The following CNTNAP2 variants were observed in gnomAD, a reference collection of about 807,000 sequenced individuals.
The protein encoded by CNTNAP2 is contactin-associated protein-like 2.
CNTNAP2 carries 98 observed loss-of-function variants against 155.2 expected under a neutral mutation model. That is an observed-to-expected ratio of 0.63 (90% CI 0.54 to 0.75). The LOEUF (loss-of-function observed/expected upper bound fraction) is 0.75, where lower values mean the gene tolerates loss of function less well. Ranked by LOEUF, CNTNAP2 falls within the 30% of genes least tolerant of loss-of-function variation. The probability of loss-of-function intolerance (pLI) is 0.00; values close to 1 mark genes in which losing one functional copy is unlikely to be tolerated. For missense variants in CNTNAP2, 1,727 were observed against 1,688.1 expected, an observed-to-expected ratio of 1.02 and a Z score of -0.40; for synonymous variants, 651 against 631.2, an observed-to-expected ratio of 1.03 and a Z score of -0.47.
chr7:146,312,859 T>A (rs895901115), intron 1 of CNTNAP2, among the ~76,000 whole-genome samples: 1 of 152,206 alleles, frequency 6.6e-6, no homozygotes, highest in Admixed American at 6.5e-5. Flanking sequence ...GTTCTACAGT[T>A]TCATCCATGT....
intron 22 of CNTNAP2, among the ~76,000 whole-genome samples, chr7:148,399,300 G>A (rs905896323): frequency 7.2e-5 from 11 of 151,910 alleles, no homozygotes; most frequent in African/African-American, 1.7e-4. Flanking sequence ...AAAAATCCAC[G>A]GTACAGTATT....
chr7:146,623,558 A>G (rs924645156), intron 1 of CNTNAP2, among the ~76,000 whole-genome samples: 10 of 152,140 alleles, frequency 6.6e-5, no homozygotes, highest in African/African-American at 2.4e-4. Context: ...TCACTTAGTA[A>G]TATGTATTTA....
At chr7:148,066,773 C>A (rs555496077) in intron 15 of CNTNAP2, among the ~76,000 whole-genome samples, 30 of 152,178 alleles carry the variant, frequency 2.0e-4, no homozygotes, top group Non-Finnish European at 3.8e-4. Context: ...GCTAGGATTA[C>A]AGGCGTGAGC....
At chr7:147,112,648 A>C (rs1043632521) in intron 5 of CNTNAP2, among the ~76,000 whole-genome samples, 1 of 152,014 alleles carries the variant, frequency 6.6e-6, no homozygotes, top group Non-Finnish European at 1.5e-5. Flanking sequence ...TTGTCTTTAG[A>C]TCTCTTTGTG....
At chr7:147,567,235 T>A (rs988564191) in intron 12 of CNTNAP2, among the ~76,000 whole-genome samples, 1 of 152,158 alleles carries the variant, frequency 6.6e-6, no homozygotes, top group Admixed American at 6.5e-5. Context: ...CCAAAACGGC[T>A]GACTCATGAG....
intron 1 of CNTNAP2, among the ~76,000 whole-genome samples, chr7:146,556,575 AAAG>A (rs2129143645): frequency 6.6e-6 from 1 of 152,268 alleles, no homozygotes; most frequent in African/African-American, 2.4e-5. Flanking sequence ...TCCAGGAACA[AAAG>A]AAGAAAGACA....
chr7:146,506,640 C>T (rs1323334566), intron 1 of CNTNAP2, among the ~76,000 whole-genome samples: 1 of 152,212 alleles, frequency 6.6e-6, no homozygotes, highest in Non-Finnish European at 1.5e-5. Context: ...CCAAATGGGC[C>T]TGTGACCAAC....
intron 13 of CNTNAP2, among the ~76,000 whole-genome samples, chr7:147,795,515 T>C (rs951632692): frequency 7.2e-6 from 1 of 139,094 alleles, no homozygotes; most frequent in Non-Finnish European, 1.7e-5. Context: ...GTTTCAGGTG[T>C]TCAGGTGGTA....
chr7:148,022,598 C>G (rs1305371965), intron 15 of CNTNAP2, among the ~76,000 whole-genome samples: 1 of 152,100 alleles, frequency 6.6e-6, no homozygotes, highest in African/African-American at 2.4e-5. Flanking sequence ...TCAGTGTGCC[C>G]TGTGTGGTTT....
chr7:146,826,607 T>C (rs953107322), intron 2 of CNTNAP2, among the ~76,000 whole-genome samples: 1 of 151,984 alleles, frequency 6.6e-6, no homozygotes, highest in Non-Finnish European at 1.5e-5. Context: ...GTGATAATGT[T>C]CACAGGAGGG....
chr7:147,389,520 A>C lies in CNTNAP2; in HGVS notation c.1499-6089A>C, dbSNP rs1330635411. The stretch of plus-strand genomic sequence containing the variant: ...TTTTCACTGATGTATTTCTGAATTA[A>C]AATTTTAAAACCTTGAAAATGCTTG... On this transcript the variant is annotated intron_variant, in intron 9 of 23. Transcript: ENST00000361727. Among the ~76,000 whole-genome samples, 5 of 152,246 alleles carry C rather than the reference A, an allele frequency of 3.3e-5. No individual in the cohort carries two copies. The East Asian group carries it at 7.7e-4, about 23-fold the overall frequency.
chr7:147,194,285 T>C (rs1802739601), intron 8 of CNTNAP2, among the ~76,000 whole-genome samples: 1 of 152,240 alleles, frequency 6.6e-6, no homozygotes. Context: ...GGCCGCCTAG[T>C]ATTCCATGGT....
chr7:147,117,856 A>G (rs1246273617), intron 5 of CNTNAP2, among the ~76,000 whole-genome samples: 2 of 152,192 alleles, frequency 1.3e-5, no homozygotes, highest in African/African-American at 4.8e-5. Context: ...TGATAGACAC[A>G]ATAGCTTCTA....
chr7:147,904,476 G>A lies in CNTNAP2; in HGVS notation c.2255+755G>A, dbSNP rs575862614. On this transcript the variant is annotated intron_variant, in intron 14 of 23. Transcript: ENST00000361727. ...TTTGCAGAAGCACATATCCAGTGCC[G>A]GCTTTCTACATTTTTAGAAGTGTTG... Among the ~76,000 whole-genome samples the A allele has an allele frequency of 1.1e-4, 16 of 152,216 alleles. No individual in the cohort carries two copies. In the South Asian group the frequency reaches 1.5e-3, roughly 14 times the overall value.
chr7:146,152,431 A>C (rs1296281080), intron 1 of CNTNAP2, among the ~76,000 whole-genome samples: 11 of 152,122 alleles, frequency 7.2e-5, no homozygotes, highest in Admixed American at 7.2e-4. Flanking sequence ...GATGGGATGA[A>C]TAAGCCCAAG....
At chr7:147,425,670 A>G (rs1797366880) in intron 10 of CNTNAP2, among the ~76,000 whole-genome samples, 2 of 152,144 alleles carry the variant, frequency 1.3e-5, no homozygotes. Context: ...GTATCTGTTG[A>G]TAAAGAATGC....
intron 13 of CNTNAP2, among the ~76,000 whole-genome samples, chr7:147,642,007 T>TGCGC (rs559489680): frequency 7.8e-6 from 1 of 127,792 alleles, no homozygotes; most frequent in African/African-American, 3.1e-5. Flanking sequence ...GGTGTGTGTG[T>TGCGC]GTGCGTGTGT....
At chr7:147,827,477 A>G (rs889731237) in intron 13 of CNTNAP2, among the ~76,000 whole-genome samples, 7 of 152,208 alleles carry the variant, frequency 4.6e-5, no homozygotes, top group African/African-American at 1.4e-4. Context: ...GAGTAAACGA[A>G]TATTTTGCTC....
chr7:147,486,417 C>T (rs2286125), intron 11 of CNTNAP2, among the ~76,000 whole-genome samples: 10 of 151,796 alleles, frequency 6.6e-5, no homozygotes, highest in African/African-American at 1.7e-4. Context: ...TTAATTAATC[C>T]GAGAGGGAGA....
Sources: allele counts gnomAD v4.1 joint callset (sites outside exome capture counted in the v4.1 genomes callset), GRCh38; gene constraint gnomAD v4.1.1; transcripts MANE v1.5; gene names NCBI Gene and HGNC (gene_info 2026-07-23, HGNC 2026-07-21).